Variants in TENM2 observed in about 807,000 individuals in gnomAD.
TENM2 encodes the protein teneurin-2.
A neutral mutation model predicts 245.2 loss-of-function variants in TENM2; 52 were observed. That is an observed-to-expected ratio of 0.21 (90% CI 0.17 to 0.27). TENM2 has a LOEUF of 0.27. Ranked by LOEUF, TENM2 falls within the 10% of genes least tolerant of loss-of-function variation. The probability of loss-of-function intolerance (pLI) is 1.00; values close to 1 mark genes in which losing one functional copy is unlikely to be tolerated. For synonymous variants in TENM2, 1,363 were observed against 1,438.9 expected (o/e 0.95, Z 1.19); for missense variants, 3,046 against 3,666.8 (o/e 0.83, Z 4.37).
chr5:167,148,354 A>G, the TENM2 span, among the ~76,000 whole-genome samples: 1 of 152,158 alleles, frequency 6.6e-6, no homozygotes. Flanking sequence ...ACATTACAGG[A>G]TGTTGTTATT....
chr5:168,207,179 C>T (rs941363308), intron 19 of TENM2, among the ~76,000 whole-genome samples: 1 of 152,188 alleles, frequency 6.6e-6, no homozygotes, highest in Non-Finnish European at 1.5e-5. Flanking sequence ...AGCATGTGAA[C>T]TTCTGCAGCA....
At chr5:167,359,979 T>C (rs561339108) in intron 1 of TENM2, among the ~76,000 whole-genome samples, 2 of 151,874 alleles carry the variant, frequency 1.3e-5, no homozygotes, top group Admixed American at 1.3e-4. Flanking sequence ...TGAGAACACA[T>C]GAACACAAAA....
At chr5:167,323,382 GAT>G (rs1756883402) in intron 1 of TENM2, among the ~76,000 whole-genome samples, 1 of 152,070 alleles carries the variant, frequency 6.6e-6, no homozygotes, top group African/African-American at 2.4e-5. Flanking sequence ...TATAGATACA[GAT>G]ATGTGTGTAT....
chr5:167,716,929 TTATTTTATTTTATTC>T (rs1429890362), intron 2 of TENM2, among the ~76,000 whole-genome samples: 2,744 of 126,874 alleles, frequency 0.022, 67 homozygotes, highest in African/African-American at 0.075. Context: ...TTATTTTATT[TTATTTTATTTTATTC>T]TATTCTATTC....
the TENM2 span, among the ~76,000 whole-genome samples, chr5:166,979,197 G>GCAGCAGCAGCAGCAGCAGCACCACCAC: frequency 3.2e-3 from 90 of 28,230 alleles, 1 homozygote; most frequent in South Asian, 0.06. Context: ...ACCACCACCA[G>GCAGCAGCAGCAGCAGCAGCACCACCAC]CAGCAGCAGC....
At chr5:167,363,459 C>T (rs746045305) in intron 1 of TENM2, among the ~76,000 whole-genome samples, 10 of 151,984 alleles carry the variant, frequency 6.6e-5, no homozygotes, top group East Asian at 3.9e-4. Flanking sequence ...AGGATGGGCA[C>T]GGTGGCTCAC....
the TENM2 span, among the ~76,000 whole-genome samples, chr5:167,249,247 C>A: frequency 6.6e-6 from 1 of 152,080 alleles, no homozygotes; most frequent in African/African-American, 2.4e-5. Flanking sequence ...AGGAAAAGAG[C>A]AAATGAAATA....
At position 167,712,175 on chromosome 5, in the gene TENM2, C is replaced by T. The variant is rs1758956682; in HGVS notation, c.503-163811C>T. The stretch of plus-strand genomic sequence containing the variant: ...GATGCTTTACTTCCATTTCTAAAGC[C>T]TTAGTTAGTGAATTACTGGATAAAA... On this transcript the variant is annotated intron_variant, in intron 2 of 28. Transcript: ENST00000518659. 2.0e-5 allele frequency among the ~76,000 whole-genome samples: 3 copies of T among 152,038 alleles called. No homozygotes were observed. In the South Asian group the frequency reaches 6.2e-4, roughly 32 times the overall value.
intron 1 of TENM2, among the ~76,000 whole-genome samples, chr5:167,332,789 G>T (rs1014543134): frequency 6.6e-6 from 1 of 152,174 alleles, no homozygotes; most frequent in African/African-American, 2.4e-5. Flanking sequence ...CAGTGTCGTT[G>T]ATTCCGTTAG....
At chr5:167,251,864 C>T in the TENM2 span, among the ~76,000 whole-genome samples, 1 of 152,078 alleles carries the variant, frequency 6.6e-6, no homozygotes, top group Non-Finnish European at 1.5e-5. Flanking sequence ...CTAGCCCAAT[C>T]CTCTCAAAGG....
intron 2 of TENM2, among the ~76,000 whole-genome samples, chr5:167,641,106 G>A (rs948152067): frequency 5.3e-5 from 8 of 151,310 alleles, no homozygotes; most frequent in African/African-American, 1.7e-4. Flanking sequence ...GAGAACTTTT[G>A]CCTTATATGA....
intron 12 of TENM2, among the ~76,000 whole-genome samples, chr5:168,153,472 A>G (rs978322875): frequency 6.6e-6 from 1 of 152,256 alleles, no homozygotes; most frequent in African/African-American, 2.4e-5. Flanking sequence ...ATTCCTAAAC[A>G]AGGGCCAGCT....
chr5:168,026,372 A>G (rs1383049565), intron 5 of TENM2, among the ~76,000 whole-genome samples: 1 of 152,242 alleles, frequency 6.6e-6, no homozygotes, highest in Non-Finnish European at 1.5e-5. Flanking sequence ...GGGTGAAGTT[A>G]GGATGAGCAG....
At chr5:167,291,252 A>G (rs1754620375) in intron 1 of TENM2, among the ~76,000 whole-genome samples, 1 of 152,186 alleles carries the variant, frequency 6.6e-6, no homozygotes, top group Non-Finnish European at 1.5e-5. Flanking sequence ...ACTCTTATTC[A>G]TATGACTTCA....
chr5:167,929,127 AAGAAAAG>A (rs1778079719), intron 3 of TENM2, among the ~76,000 whole-genome samples: 1 of 133,802 alleles, frequency 7.5e-6, no homozygotes, highest in Non-Finnish European at 1.6e-5. Flanking sequence ...GAAAGAAAGA[AAGAAAAG>A]AAAGAAGGGA....
chr5:167,176,031 T>C, the TENM2 span, among the ~76,000 whole-genome samples: 1 of 150,516 alleles, frequency 6.6e-6, no homozygotes, highest in Admixed American at 6.6e-5. Flanking sequence ...CTTTCTCAAA[T>C]CAAAACCTTT....
At chr5:167,187,768 G>A in the TENM2 span, among the ~76,000 whole-genome samples, 1 of 152,004 alleles carries the variant, frequency 6.6e-6, no homozygotes, top group African/African-American at 2.4e-5. Flanking sequence ...GTTCTCCGGG[G>A]AGCCTGGTTG....
chr5:167,338,606 A>C (rs1334962603), intron 1 of TENM2, among the ~76,000 whole-genome samples: 2 of 152,328 alleles, frequency 1.3e-5, no homozygotes, highest in African/African-American at 2.4e-5. Context: ...AAAGAGACTA[A>C]GGCAGTACAG....
the TENM2 span, among the ~76,000 whole-genome samples, chr5:166,995,205 A>G: frequency 2.0e-5 from 3 of 151,914 alleles, no homozygotes; most frequent in Non-Finnish European, 1.5e-5. Context: ...CCATGTGATT[A>G]TATATTTTTT....
Sources: gnomAD v4.1 joint callset for allele counts (sites outside exome capture counted in the v4.1 genomes callset) on GRCh38, gnomAD v4.1.1 for gene constraint, MANE v1.5 for transcripts, NCBI Gene and HGNC (gene_info 2026-07-23, HGNC 2026-07-21) for gene names.